Variants in DPYD observed in about 807,000 individuals in gnomAD.
DPYD encodes dihydropyrimidine dehydrogenase.
A neutral mutation model predicts 116.2 loss-of-function variants in DPYD; 109 were observed. The observed-to-expected ratio is 0.94, with a 90% CI of 0.80 to 1.10. DPYD has a LOEUF of 1.10. Ranked by LOEUF, DPYD falls within the 50% of genes least tolerant of loss-of-function variation. DPYD has a pLI of 0.00. For synonymous variants in DPYD, 440 were observed against 432.0 expected (o/e 1.02, Z -0.23); for missense variants, 1,302 against 1,254.5 (o/e 1.04, Z -0.57).
intron 18 of DPYD, among the ~76,000 whole-genome samples, chr1:97,270,861 C>A (rs1172189957): frequency 2.6e-5 from 4 of 152,158 alleles, no homozygotes; most frequent in Non-Finnish European, 5.9e-5. Context: ...CTCTTTTATT[C>A]TTTCCCCAAG....
chr1:97,375,615 A>G (rs1671568592), intron 15 of DPYD, among the ~76,000 whole-genome samples: 1 of 152,236 alleles, frequency 6.6e-6, no homozygotes, highest in South Asian at 2.1e-4. Flanking sequence ...CAGCCTGCTG[A>G]ACCCTGAGTT....
At chr1:97,363,592 C>G (rs912445861) in intron 16 of DPYD, among the ~76,000 whole-genome samples, 1 of 152,098 alleles carries the variant, frequency 6.6e-6, no homozygotes, top group Non-Finnish European at 1.5e-5. Context: ...GAAAATGTGG[C>G]ACATATACAC....
intron 16 of DPYD, among the ~76,000 whole-genome samples, chr1:97,362,572 C>G (rs189498350): frequency 3.5e-4 from 53 of 152,272 alleles, no homozygotes; most frequent in African/African-American, 1.2e-3. Context: ...GCTACAGTAA[C>G]CAAGACAGCA....
At chr1:97,826,415 GTTCT>G (rs68066959) in intron 3 of DPYD, among the ~76,000 whole-genome samples, 115,041 of 151,282 alleles carry the variant, frequency 0.76, 44,057 homozygotes, top group East Asian at 0.98. Context: ...CCTCTTTTCA[GTTCT>G]TTCTGTCTTT....
At chr1:97,260,703 T>C (rs1663818545) in intron 18 of DPYD, among the ~76,000 whole-genome samples, 1 of 152,092 alleles carries the variant, frequency 6.6e-6, no homozygotes, top group Non-Finnish European at 1.5e-5. Flanking sequence ...ACATGGTGAT[T>C]TTCATTTTCC....
At chr1:97,325,611 T>G (rs1340249854) in intron 16 of DPYD, among the ~76,000 whole-genome samples, 1 of 151,888 alleles carries the variant, frequency 6.6e-6, no homozygotes, top group Non-Finnish European at 1.5e-5. Flanking sequence ...CTACTTGAAG[T>G]GTTTATGAAG....
intron 3 of DPYD, among the ~76,000 whole-genome samples, chr1:97,824,880 C>T (rs962041122): frequency 6.6e-5 from 10 of 152,108 alleles, no homozygotes; most frequent in Non-Finnish European, 1.3e-4. Flanking sequence ...CCCTTGGCTA[C>T]AACAAGTATC....
rs529006467 is a variant in DPYD at position 97,195,860 on chromosome 1, G to A, written c.2443-2612C>T. On this transcript the variant is annotated intron_variant, in intron 19 of 22. Transcript: ENST00000370192. ...AGAGTTAAGTCAGGCGCTGCAGAAAGGTCAGGAATATCAGAGCTGGAAGCG... is the reference window on the plus strand; with the variant it reads ...AGAGTTAAGTCAGGCGCTGCAGAAAAGTCAGGAATATCAGAGCTGGAAGCG... Among the ~76,000 whole-genome samples, 6 of 150,988 alleles carry A rather than the reference G, an allele frequency of 4.0e-5. No homozygotes were observed. In the East Asian group the frequency reaches 1.2e-3, roughly 30 times the overall value.
chr1:97,809,499 A>G lies in DPYD; in HGVS notation c.233+18615T>C, dbSNP rs543152773. ...CTGTCAGTCTTTTAATATTTTGGAT[A>G]TATTTTTAAAGGAGAGTCAACAATA... On this transcript the variant is annotated intron_variant, in intron 3 of 22. Transcript: ENST00000370192. 1.4e-4 allele frequency among the ~76,000 whole-genome samples: 22 copies of G among 152,320 alleles called. 1 individual carries two copies. The South Asian group carries it at 4.4e-3, about 30-fold the overall frequency.
intron 13 of DPYD, among the ~76,000 whole-genome samples, chr1:97,503,506 A>G (rs77750308): frequency 0.084 from 12,760 of 151,986 alleles, 650 homozygotes; most frequent in South Asian, 0.1. Context: ...CCTTCCTGAG[A>G]GACATGAAGA....
At chr1:97,874,412 T>A (rs760107537) in intron 2 of DPYD, among the ~76,000 whole-genome samples, 1 of 151,960 alleles carries the variant, frequency 6.6e-6, no homozygotes, top group Non-Finnish European at 1.5e-5. Flanking sequence ...ATGCCACTTA[T>A]GTTTACATAA....
chr1:97,198,231 A>C (rs919785222), intron 19 of DPYD, among the ~76,000 whole-genome samples: 10 of 152,148 alleles, frequency 6.6e-5, no homozygotes, highest in African/African-American at 2.4e-4. Flanking sequence ...AGAACAGCAA[A>C]GTCTTAAGCA....
chr1:97,225,055 A>ATCTATCTATCTATCTG (rs1411102672), intron 19 of DPYD, among the ~76,000 whole-genome samples: 1 of 140,918 alleles, frequency 7.1e-6, no homozygotes, highest in African/African-American at 2.6e-5. Context: ...CTATCTATCT[A>ATCTATCTATCTATCTG]TCTGTCTATC....
At chr1:97,681,543 T>C (rs75706535) in intron 7 of DPYD, among the ~76,000 whole-genome samples, 18,862 of 152,092 alleles carry the variant, frequency 0.12, 1,254 homozygotes, top group Middle Eastern at 0.15. Context: ...AACTCTGGAA[T>C]GTATCAAAAA....
At chr1:97,453,390 T>C (rs1676521470) in intron 13 of DPYD, among the ~76,000 whole-genome samples, 1 of 152,148 alleles carries the variant, frequency 6.6e-6, no homozygotes, top group South Asian at 2.1e-4. Context: ...GTCTTTTATG[T>C]TTGTCCTGTA....
intron 3 of DPYD, among the ~76,000 whole-genome samples, chr1:97,768,418 C>T (rs1415170356): frequency 6.6e-6 from 1 of 152,004 alleles, no homozygotes; most frequent in African/African-American, 2.4e-5. Flanking sequence ...GCAAGCATTG[C>T]CCAACATCAT....
intron 19 of DPYD, among the ~76,000 whole-genome samples, chr1:97,224,707 T>C (rs764391370): frequency 1.3e-5 from 2 of 151,850 alleles, no homozygotes; most frequent in Non-Finnish European, 2.9e-5. Flanking sequence ...AGTTCTACTC[T>C]CTAAGTAGTC....
At chr1:97,234,609 C>T (rs1470337413) in intron 19 of DPYD, among the ~76,000 whole-genome samples, 5 of 152,018 alleles carry the variant, frequency 3.3e-5, no homozygotes, top group Non-Finnish European at 5.9e-5. Context: ...ATTTCAGGAT[C>T]ACATGGGTGA....
chr1:97,678,440 A>C (rs1660260075), intron 8 of DPYD, among the ~76,000 whole-genome samples: 1 of 152,174 alleles, frequency 6.6e-6, no homozygotes, highest in Non-Finnish European at 1.5e-5. Context: ...AAATCATATC[A>C]GAGAATGAAT....
Sources: gnomAD v4.1 joint callset for allele counts (sites outside exome capture counted in the v4.1 genomes callset) on GRCh38, gnomAD v4.1.1 for gene constraint, MANE v1.5 for transcripts, NCBI Gene and HGNC (gene_info 2026-07-23, HGNC 2026-07-21) for gene names.